Variants in CDH18 observed in about 807,000 individuals in gnomAD.
The protein encoded by CDH18 is cadherin 18, also known as cadherin-18.
Under a neutral mutation model 67.9 loss-of-function variants are expected in CDH18, and 31 were observed. That is an observed-to-expected ratio of 0.46 (90% CI 0.34 to 0.62). CDH18 has a LOEUF of 0.62. Among genes scored for constraint, CDH18 ranks in the 20% least tolerant of loss-of-function variants. The pLI, the probability that CDH18 is intolerant of heterozygous loss-of-function variation, is 0.01. For missense variants in CDH18, 890 were observed against 975.5 expected, an observed-to-expected ratio of 0.91 and a Z score of 1.17; for synonymous variants, 362 against 347.2, an observed-to-expected ratio of 1.04 and a Z score of -0.48.
At chr5:20,025,798 C>A (rs1374941337) in intron 2 of CDH18, among the ~76,000 whole-genome samples, 1 of 152,198 alleles carries the variant, frequency 6.6e-6, no homozygotes, top group East Asian at 1.9e-4. Context: ...TCAAAATTAT[C>A]AGTGTTCAAG....
chr5:20,096,394 C>G (rs1745993949), intron 2 of CDH18, among the ~76,000 whole-genome samples: 1 of 151,942 alleles, frequency 6.6e-6, no homozygotes, highest in Non-Finnish European at 1.5e-5. Flanking sequence ...TATTAAATCA[C>G]AAGAGGACTA....
At chr5:19,486,511 G>T (rs917888802) in intron 11 of CDH18, among the ~76,000 whole-genome samples, 1 of 151,984 alleles carries the variant, frequency 6.6e-6, no homozygotes, top group African/African-American at 2.4e-5. Flanking sequence ...ATAAATGAGG[G>T]CCAGGCGCAG....
Position 19,676,259 on chromosome 5 carries a change from T to G in CDH18, c.643+45088A>C, listed in dbSNP as rs183030633. On this transcript the variant is annotated intron_variant, in intron 5 of 12. Transcript: ENST00000382275. Reference sequence around the variant, plus strand: ...GAAAGAGCAGAGAAAGCAAGCAACTTTAAAACTTTTTTGAGAATATTATTC... The same window carrying G: ...GAAAGAGCAGAGAAAGCAAGCAACTGTAAAACTTTTTTGAGAATATTATTC... 1.7e-3 allele frequency among the ~76,000 whole-genome samples: 260 copies of G among 152,138 alleles called. 1 individual carries two copies. The highest frequency in any genetic ancestry group is 6.1e-3 in the African/African-American group (252 of 41,518).
intron 2 of CDH18, among the ~76,000 whole-genome samples, chr5:20,182,231 T>C (rs1389929058): frequency 6.6e-6 from 1 of 152,008 alleles, no homozygotes; most frequent in East Asian, 1.9e-4. Flanking sequence ...TCACTTCAAC[T>C]TCACTTGTAA....
At chr5:19,488,382 C>G (rs1740744947) in intron 11 of CDH18, among the ~76,000 whole-genome samples, 1 of 152,048 alleles carries the variant, frequency 6.6e-6, no homozygotes, top group Non-Finnish European at 1.5e-5. Flanking sequence ...CATAGCCTGC[C>G]AGACCATTAA....
intron 2 of CDH18, among the ~76,000 whole-genome samples, chr5:20,185,887 A>G (rs535107272): frequency 6.6e-6 from 1 of 151,592 alleles, no homozygotes; most frequent in Non-Finnish European, 1.5e-5. Context: ...CGTGTGATGC[A>G]TAGTGTCTGG....
intron 3 of CDH18, among the ~76,000 whole-genome samples, chr5:19,771,547 C>A (rs114773822): frequency 1.3e-5 from 2 of 152,170 alleles, no homozygotes; most frequent in African/African-American, 4.8e-5. Context: ...CCAGCTAACA[C>A]CTTGATCACA....
At position 19,572,220 on chromosome 5, in the gene CDH18, G is replaced by C. The variant is rs530318159; in HGVS notation, c.1000-388C>G. On this transcript the variant is annotated intron_variant, in intron 7 of 12. Transcript: ENST00000382275. ...ATAAAAGGCTGTGTGAAACTAAGATGAACGGATGTAGTTTTAAAAGTTAAA... is the reference window on the plus strand; with the variant it reads ...ATAAAAGGCTGTGTGAAACTAAGATCAACGGATGTAGTTTTAAAAGTTAAA... Among the ~76,000 whole-genome samples, 3 of 152,292 alleles carry C rather than the reference G, an allele frequency of 2.0e-5. No individual in the cohort carries two copies. In the East Asian group the frequency reaches 5.8e-4, roughly 29 times the overall value.
At chr5:20,234,108 T>C (rs762437963) in intron 2 of CDH18, among the ~76,000 whole-genome samples, 3 of 152,152 alleles carry the variant, frequency 2.0e-5, no homozygotes, top group Non-Finnish European at 4.4e-5. Context: ...AGTGAGGCAG[T>C]CCTACACCAG....
At chr5:20,036,010 A>G (rs1739829045) in intron 2 of CDH18, among the ~76,000 whole-genome samples, 1 of 152,014 alleles carries the variant, frequency 6.6e-6, no homozygotes, top group South Asian at 2.1e-4. Context: ...TTGAGGGATG[A>G]AGAACAGTTA....
chr5:20,060,448 A>G (rs568954429), intron 2 of CDH18, among the ~76,000 whole-genome samples: 1 of 152,228 alleles, frequency 6.6e-6, no homozygotes, highest in Admixed American at 6.5e-5. Flanking sequence ...TGGGTGACAA[A>G]GCGAGATTCT....
intron 2 of CDH18, among the ~76,000 whole-genome samples, chr5:20,068,284 G>A (rs1743159397): frequency 6.7e-6 from 1 of 149,482 alleles, no homozygotes. Context: ...TATTACAAGT[G>A]GAAAGACTGA....
chr5:19,862,434 G>A (rs1452887253), intron 2 of CDH18, among the ~76,000 whole-genome samples: 1 of 152,140 alleles, frequency 6.6e-6, no homozygotes, highest in African/African-American at 2.4e-5. Flanking sequence ...AAGTTGAGCA[G>A]CGGTCTTCTG....
intron 1 of CDH18, among the ~76,000 whole-genome samples, chr5:20,430,909 A>G (rs1405902738): frequency 6.6e-6 from 1 of 152,200 alleles, no homozygotes; most frequent in Non-Finnish European, 1.5e-5. Flanking sequence ...TAAATACTCC[A>G]TAAAAATGCT....
At chr5:19,685,707 T>C (rs1217774351) in intron 5 of CDH18, among the ~76,000 whole-genome samples, 3 of 152,130 alleles carry the variant, frequency 2.0e-5, no homozygotes, top group Non-Finnish European at 4.4e-5. Context: ...TTACTCCAGC[T>C]CTCTCTTACA....
intron 2 of CDH18, among the ~76,000 whole-genome samples, chr5:20,006,075 T>A (rs772208573): frequency 6.6e-6 from 1 of 151,900 alleles, no homozygotes; most frequent in African/African-American, 2.4e-5. Flanking sequence ...ACACACTACA[T>A]AATATGTCAC....
intron 2 of CDH18, among the ~76,000 whole-genome samples, chr5:20,176,220 A>G (rs1737222862): frequency 6.6e-6 from 1 of 152,200 alleles, no homozygotes. Context: ...GATCTGGGTC[A>G]GGTTAGAACA....
In CDH18 at chr5:20,228,338, T is replaced by G. The variant is rs528609553; in HGVS notation, c.-518+27106A>C. ...TCATTTGCCTTCAAAGTCCTCTTCCTTTTTGAAAAATTACAGGTAAAATTG... is the reference window on the plus strand; with the variant it reads ...TCATTTGCCTTCAAAGTCCTCTTCCGTTTTGAAAAATTACAGGTAAAATTG... On this transcript the variant is annotated intron_variant, in intron 2 of 14. Transcript: ENST00000507958. Among the ~76,000 whole-genome samples the G allele has an allele frequency of 3.9e-4, 60 of 152,188 alleles. 1 individual carries two copies. Among genetic ancestry groups the G allele is most frequent in the African/African-American group, 1.4e-3 (57 of 41,562 alleles).
chr5:19,868,050 T>C (rs1476064591), intron 2 of CDH18, among the ~76,000 whole-genome samples: 1 of 152,192 alleles, frequency 6.6e-6, no homozygotes, highest in Non-Finnish European at 1.5e-5. Context: ...TCTGCCATGA[T>C]TGTAAGAATG....
Sources: allele counts gnomAD v4.1 joint callset (sites outside exome capture counted in the v4.1 genomes callset), GRCh38; gene constraint gnomAD v4.1.1; transcripts MANE v1.5; gene names NCBI Gene and HGNC (gene_info 2026-07-23, HGNC 2026-07-21).